The following ECI2 variants were observed in gnomAD, a reference collection of about 807,000 sequenced individuals.
ECI2 encodes enoyl-CoA delta isomerase 2.
A neutral mutation model predicts 38.4 loss-of-function variants in ECI2; 27 were observed. The ratio of observed to expected loss-of-function variants is 0.70; its 90% confidence interval spans 0.52 to 0.97. The LOEUF (loss-of-function observed/expected upper bound fraction) is 0.97. Among genes scored for constraint, ECI2 ranks in the 50% least tolerant of loss-of-function variants. ECI2 has a pLI of 0.00. For missense variants in ECI2, 470 were observed against 474.4 expected (o/e 0.99, Z 0.09); for synonymous variants, 168 against 172.0 (o/e 0.98, Z 0.18).
intron 7 of ECI2, chr6:4,121,782 A>T: frequency 3.0e-6 from 1 of 331,376 alleles, no homozygotes. Flanking sequence ...CATAATATGT[A>T]AAAGAATATT....
intron 1 of ECI2, 126 bp downstream of exon 1, chr6:4,135,385 G>A: frequency 6.4e-7 from 1 of 1,551,058 alleles, no homozygotes; most frequent in Non-Finnish European, 8.7e-7. Flanking sequence ...CGGAAAACCA[G>A]CAAAGCAAAA....
chr6:4,135,293 C>G (rs2113036879), intron 1 of ECI2: 1 of 1,375,796 alleles, frequency 7.3e-7, no homozygotes, highest in Admixed American at 2.2e-5. Context: ...CCCTGACCTC[C>G]CGACGCGCCC....
chr6:4,129,178 C>T (rs1041489578), intron 4 of ECI2, among the ~76,000 whole-genome samples: 3 of 150,750 alleles, frequency 2.0e-5, no homozygotes, highest in Non-Finnish European at 4.4e-5. Flanking sequence ...AGTGCAATAG[C>T]ATGATCTTGG....
At chr6:4,131,643 G>T (rs1464512935) in intron 2 of ECI2, among the ~76,000 whole-genome samples, 1 of 151,992 alleles carries the variant, frequency 6.6e-6, no homozygotes, top group Non-Finnish European at 1.5e-5. Context: ...GATCACCTGA[G>T]GTCAGGAGTT....
intron 4 of ECI2, among the ~76,000 whole-genome samples, chr6:4,129,880 C>T (rs1773411502): frequency 1.3e-5 from 2 of 152,042 alleles, no homozygotes; most frequent in South Asian, 4.1e-4. Context: ...GTGAGAGATT[C>T]AAAGACTAAC....
chr6:4,120,059 T>C (rs968474748), intron 7 of ECI2, among the ~76,000 whole-genome samples: 15 of 152,234 alleles, frequency 9.9e-5, no homozygotes, highest in Non-Finnish European at 7.3e-5. Context: ...ATGTTTATCA[T>C]TCACCAGTTA....
rs765708870 is a variant in ECI2, at chr6:4,133,652, C to G, written c.110G>C (p.Arg37Thr). ...VQLHMNRTAMRASQKDFENSM... is the reference protein window; with the variant it reads ...VQLHMNRTAMTASQKDFENSM... ...ATTTTCAAAGTCCTTCTGACTGGCT[C>G]TCATTGCTGTTCTATTCATGTGCAG... The change falls in exon 2 of 10, where the codon AGA (arginine) becomes ACA (threonine). Residue 37 changes from arginine to threonine, a missense_variant. Coordinates refer to ENST00000380118, the MANE Select transcript of ECI2 (RefSeq NM_206836.3). 2.9e-5 allele frequency: 46 copies of G among 1,613,934 alleles called. 1 individual carries two copies. The South Asian group carries it at 3.4e-4, about 12-fold the overall frequency.
At chr6:4,121,916 TA>T in intron 7 of ECI2, 1 of 1,258,344 alleles carries the variant, frequency 7.9e-7, no homozygotes, top group Middle Eastern at 1.9e-4. Flanking sequence ...AAGTTTCTGT[TA>T]ATGTCATGTA....
intron 1 of ECI2, among the ~76,000 whole-genome samples, chr6:4,133,989 GA>G (rs1581998406): frequency 6.6e-6 from 1 of 152,206 alleles, no homozygotes; most frequent in Admixed American, 6.5e-5. Context: ...GCCAGAACAG[GA>G]ATGACCATGT....
intron 7 of ECI2, among the ~76,000 whole-genome samples, chr6:4,119,772 C>T (rs1489067901): frequency 6.6e-6 from 1 of 152,224 alleles, no homozygotes; most frequent in Non-Finnish European, 1.5e-5. Context: ...TAGAGAGTTA[C>T]ATAGCCACCA....
chr6:4,123,561 A>G (rs1223129942), intron 7 of ECI2, among the ~76,000 whole-genome samples: 2 of 149,686 alleles, frequency 1.3e-5, no homozygotes, highest in South Asian at 4.2e-4. Context: ...ATATACATAT[A>G]TTATAATATA....
rs1330145530 is a variant in ECI2, at chr6:4,123,568, T to C, written c.795+1682A>G. ...TATATGCAATATACATATATTATAA[T>C]ATATATAGAATAGATATGTTTTATA... is the stretch of plus-strand genomic sequence containing the variant. On this transcript the variant is annotated intron_variant, in intron 7 of 9. Transcript: ENST00000380118. Among the ~76,000 whole-genome samples the C allele has an allele frequency of 3.3e-5, 5 of 149,820 alleles. No homozygotes were observed. The Admixed American group carries it at 3.3e-4, about 10-fold the overall frequency.
At chr6:4,128,025 C>T (rs1478465100) in intron 4 of ECI2, among the ~76,000 whole-genome samples, 194 bp from the exon 5 acceptor site, 1 of 152,158 alleles carries the variant, frequency 6.6e-6, no homozygotes, top group Admixed American at 6.5e-5. Flanking sequence ...TTACCTGGTG[C>T]ATATTATGTA....
At chr6:4,122,193 CAT>C (rs1311865763) in intron 7 of ECI2, 5 of 407,156 alleles carry the variant, frequency 1.2e-5, no homozygotes, top group African/African-American at 1.0e-4. Context: ...ACAGTTTTCT[CAT>C]TTGTAAAATG....
chr6:4,126,509 A>G (rs1466061997), intron 5 of ECI2, among the ~76,000 whole-genome samples: 1 of 152,226 alleles, frequency 6.6e-6, no homozygotes, highest in Non-Finnish European at 1.5e-5. Context: ...GGAGTTCAGG[A>G]AAGAACTTTC....
intron 5 of ECI2, among the ~76,000 whole-genome samples, chr6:4,126,597 T>G (rs1773174916): frequency 6.6e-6 from 1 of 152,120 alleles, no homozygotes; most frequent in Non-Finnish European, 1.5e-5. Context: ...AAGAACAGTT[T>G]ACACAAAGGA....
intron 8 of ECI2, chr6:4,117,936 TA>T: frequency 6.5e-6 from 1 of 152,760 alleles, no homozygotes; most frequent in South Asian, 2.1e-4. Flanking sequence ...TCTATTTGAC[TA>T]AAGGAAAGCA....
intron 1 of ECI2, 145 bp from the exon 2 acceptor site, chr6:4,133,856 C>T (rs2113031623): frequency 2.1e-6 from 2 of 930,434 alleles, no homozygotes; most frequent in East Asian, 3.0e-5. Context: ...AAACTGGCTG[C>T]AAATAATTGG....
chr6:4,125,273 C>T lies in ECI2; in HGVS notation c.772G>A (p.Asp258Asn), dbSNP rs756861928. The change falls in exon 7 of 10, where the codon GAT becomes AAT. Residue 258 changes from aspartate (D) to asparagine (N), a missense_variant. Transcript: ENST00000380118. ...ACCCTGTCAGATGCATACACGGCAT[C>T]GAATAGCCCAAGGAGGGTGACGGAG... is the stretch of plus-strand genomic sequence containing the variant. ...GISVTLLGLF[D>N]AVYASDRATF... 4.0e-5 allele frequency: 65 copies of T among 1,613,970 alleles called. No individual in the cohort carries two copies. The highest frequency in any genetic ancestry group is 3.8e-4 in the Admixed American group (23 of 59,990).
Sources: allele counts gnomAD v4.1 joint callset (sites outside exome capture counted in the v4.1 genomes callset), GRCh38; gene constraint gnomAD v4.1.1; transcripts MANE v1.5; gene names NCBI Gene and HGNC (gene_info 2026-07-23, HGNC 2026-07-21).